The following TRHDE variants were observed in gnomAD, a reference collection of about 807,000 sequenced individuals.
The protein encoded by TRHDE is thyrotropin releasing hormone degrading enzyme.
In TRHDE, 72 loss-of-function variants were observed where a neutral mutation model predicts 125.7. That is an observed-to-expected ratio of 0.57 (90% CI 0.47 to 0.70). The LOEUF (loss-of-function observed/expected upper bound fraction) is 0.70, where lower values mean the gene tolerates loss of function less well. Ranked by LOEUF, TRHDE falls within the 30% of genes least tolerant of loss-of-function variation. The probability of loss-of-function intolerance (pLI) is 0.00; values close to 1 mark genes in which losing one functional copy is unlikely to be tolerated. For missense variants in TRHDE, 1,110 were observed against 1,327.1 expected (o/e 0.84, Z 2.54); for synonymous variants, 509 against 509.1 (o/e 1.00, Z 0.00).
intron 3 of TRHDE, among the ~76,000 whole-genome samples, chr12:72,466,214 G>A (rs1177479905): frequency 2.0e-5 from 3 of 152,128 alleles, no homozygotes; most frequent in Non-Finnish European, 4.4e-5. Context: ...CTGCCCCCAA[G>A]TCTACCTTCC....
At chr12:72,387,763 G>A (rs533820943) in intron 3 of TRHDE, among the ~76,000 whole-genome samples, 29 of 152,170 alleles carry the variant, frequency 1.9e-4, no homozygotes, top group African/African-American at 6.3e-4. Context: ...TAAGTCTCAC[G>A]AGATTTGATG....
chr12:72,154,439 G>A (rs1405924965), intron 2 of TRHDE, among the ~76,000 whole-genome samples: 2 of 152,190 alleles, frequency 1.3e-5, no homozygotes, highest in Non-Finnish European at 2.9e-5. Context: ...CCGTCATTAT[G>A]ATTTTAGCTG....
At chr12:72,329,919 G>A (rs1019803062) in intron 2 of TRHDE, among the ~76,000 whole-genome samples, 3 of 151,914 alleles carry the variant, frequency 2.0e-5, no homozygotes, top group Non-Finnish European at 4.4e-5. Context: ...AAAGCACCAA[G>A]AGAAACATAA....
intron 2 of TRHDE, among the ~76,000 whole-genome samples, chr12:72,170,945 C>T (rs1876859598): frequency 6.6e-6 from 1 of 152,032 alleles, no homozygotes; most frequent in East Asian, 1.9e-4. Context: ...CTAATCTATT[C>T]GAGAGCTTCT....
At chr12:72,394,592 T>C (rs1391983323) in intron 3 of TRHDE, among the ~76,000 whole-genome samples, 3 of 152,198 alleles carry the variant, frequency 2.0e-5, no homozygotes, top group African/African-American at 4.8e-5. Flanking sequence ...AATCCCCCTA[T>C]GCCCTTAACT....
intron 2 of TRHDE, among the ~76,000 whole-genome samples, chr12:72,240,347 A>C (rs1057184987): frequency 1.3e-5 from 2 of 148,366 alleles, no homozygotes; most frequent in Non-Finnish European, 3.0e-5. Flanking sequence ...ATATATATAT[A>C]TTTGTGTATA....
At chr12:72,332,274 G>C (rs1481534993) in intron 2 of TRHDE, among the ~76,000 whole-genome samples, 2 of 152,150 alleles carry the variant, frequency 1.3e-5, no homozygotes, top group Non-Finnish European at 2.9e-5. Context: ...AAGTAGCTGG[G>C]ACTACAGGCA....
chr12:72,101,421 A>G (rs1875065021), intron 1 of TRHDE, among the ~76,000 whole-genome samples: 1 of 152,198 alleles, frequency 6.6e-6, no homozygotes, highest in African/African-American at 2.4e-5. Context: ...CTGATGTACA[A>G]TCCTTTCAAA....
Position 72,568,578 on chromosome 12 carries a change from C to A in TRHDE, c.2053C>A (p.Gln685Lys). 1 of 1,608,412 alleles carries A rather than the reference C, an allele frequency of 6.2e-7. No homozygotes were observed. The highest frequency in any genetic ancestry group is 8.5e-7 in the Non-Finnish European group (1 of 1,176,358). ...TCTTTTATTTTGCAGTTACCTGTGG[C>A]AGATTCCATTAACTATTGTGGTAGG... is the stretch of plus-strand genomic sequence containing the variant. ...LKLQNNSYLWQIPLTIVVGNR... is the reference protein window; with the variant it reads ...LKLQNNSYLWKIPLTIVVGNR... Residue 685 changes from glutamine to lysine, a missense_variant, in exon 10 of 19, where the codon CAG becomes AAG. Transcript: ENST00000261180.
At chr12:72,328,483 G>C (rs1243065995) in intron 2 of TRHDE, among the ~76,000 whole-genome samples, 4 of 151,912 alleles carry the variant, frequency 2.6e-5, no homozygotes, top group Non-Finnish European at 1.5e-5. Context: ...TTGGATTATT[G>C]ATGATTTAAT....
rs1375123520 is a variant in TRHDE, at chr12:72,489,186, C to T, written c.1585-10312C>T. On this transcript the variant is annotated intron_variant, in intron 5 of 18. Transcript: ENST00000261180. Reference sequence around the variant, plus strand: ...TAAATCAAATACAGAATGGAAAAACCATAGAAAAAATCAATAAGACTTAGA... The same window carrying T: ...TAAATCAAATACAGAATGGAAAAACTATAGAAAAAATCAATAAGACTTAGA... 2.1e-5 allele frequency among the ~76,000 whole-genome samples: 3 copies of T among 141,714 alleles called. No homozygotes were observed. The East Asian group carries it at 6.4e-4, about 30-fold the overall frequency. The allele number at this position is 141,714 out of a possible 152,430, so 93.0% of individuals were successfully genotyped here. A position where few individuals can be genotyped will look rare whatever the true frequency, so the allele number is the denominator to read the frequency against.
At chr12:72,237,917 G>C (rs897638458) in intron 2 of TRHDE, among the ~76,000 whole-genome samples, 5 of 152,058 alleles carry the variant, frequency 3.3e-5, no homozygotes, top group Non-Finnish European at 5.9e-5. Context: ...CAAAGGCCTT[G>C]AGGCAGGAGT....
chr12:72,215,170 C>T (rs1877861010), intron 2 of TRHDE, among the ~76,000 whole-genome samples: 1 of 145,040 alleles, frequency 6.9e-6, no homozygotes, highest in African/African-American at 2.6e-5. Context: ...AAATTACAGT[C>T]AAAGGGGGTT....
At chr12:72,615,391 G>A (rs1872777195) in intron 12 of TRHDE, among the ~76,000 whole-genome samples, 1 of 152,112 alleles carries the variant, frequency 6.6e-6, no homozygotes. Flanking sequence ...AGCTAATGTA[G>A]TGTTTCATTC....
chr12:72,345,824 C>T (rs1278317833), intron 2 of TRHDE, among the ~76,000 whole-genome samples: 1 of 151,936 alleles, frequency 6.6e-6, no homozygotes, highest in Non-Finnish European at 1.5e-5. Context: ...GGTGGGGACC[C>T]TGTTTCCTCA....
chr12:72,669,799 C>T lies in TRHDE; in HGVS notation c.*6604C>T, dbSNP rs766398429. On this transcript the variant is annotated 3_prime_UTR_variant, in exon 19 of 19. Transcript: ENST00000261180. ...AAAATATTGTGTAACAGCAATTCCACATTATCCTTTTGAATGCTACCTATA... is the reference window on the plus strand; with the variant it reads ...AAAATATTGTGTAACAGCAATTCCATATTATCCTTTTGAATGCTACCTATA... 1 of 151,788 alleles carries T rather than the reference C, an allele frequency of 6.6e-6. No individual in the cohort carries two copies. The highest frequency in any genetic ancestry group is 1.9e-4 in the East Asian group (1 of 5,166). 9.4% of individuals were successfully genotyped at this position (151,788 alleles called of 1,614,324 possible).
At chr12:72,393,472 G>A (rs1028148998) in intron 3 of TRHDE, among the ~76,000 whole-genome samples, 7 of 152,206 alleles carry the variant, frequency 4.6e-5, no homozygotes, top group Non-Finnish European at 8.8e-5. Flanking sequence ...GGCAAGGGCA[G>A]TGAGGGGAGT....
chr12:72,247,922 T>C (rs1337520289), intron 2 of TRHDE, among the ~76,000 whole-genome samples: 1 of 152,216 alleles, frequency 6.6e-6, no homozygotes, highest in Non-Finnish European at 1.5e-5. Flanking sequence ...TGTATCTATC[T>C]ATTATCTATC....
intron 7 of TRHDE, among the ~76,000 whole-genome samples, chr12:72,553,820 C>A (rs1869790127): frequency 6.7e-6 from 1 of 148,184 alleles, no homozygotes; most frequent in South Asian, 2.2e-4. Context: ...CTCCTCTCCT[C>A]TCCTCTTCTC....
Sources: gnomAD v4.1 joint callset for allele counts (sites outside exome capture counted in the v4.1 genomes callset) on GRCh38, gnomAD v4.1.1 for gene constraint, MANE v1.5 for transcripts, NCBI Gene and HGNC (gene_info 2026-07-23, HGNC 2026-07-21) for gene names.